TIMP2: variants seen among roughly 807,000 people sequenced by gnomAD.
TIMP2 encodes the protein metalloproteinase inhibitor 2.
TIMP2 carries 5 observed loss-of-function variants against 24.3 expected under a neutral mutation model. The observed-to-expected ratio is 0.21, with a 90% confidence interval of 0.11 to 0.43. The LOEUF is 0.43. TIMP2 is among the 20% of genes least tolerant of loss of function. The pLI, the probability that TIMP2 is intolerant of heterozygous loss-of-function variation, is 1.00. For missense variants in TIMP2, 221 were observed against 297.5 expected, an observed-to-expected ratio of 0.74 and a Z score of 1.89; for synonymous variants, 130 against 123.2, an observed-to-expected ratio of 1.06 and a Z score of -0.37.
chr17:78,901,132 CG>C (rs1318233139), intron 1 of TIMP2: 1 of 152,616 alleles, frequency 6.6e-6, no homozygotes, highest in African/African-American at 2.4e-5. Flanking sequence ...GTCTGGCTTC[CG>C]GGAGGGCTCA....
chr17:78,863,521 C>CT (rs1412893343), intron 3 of TIMP2, among the ~76,000 whole-genome samples: 10 of 152,184 alleles, frequency 6.6e-5, no homozygotes, highest in African/African-American at 2.4e-4. Flanking sequence ...GGATCACAGG[C>CT]GTCAGCCACT....
intron 1 of TIMP2, among the ~76,000 whole-genome samples, chr17:78,893,475 C>T (rs1302587535): frequency 1.7e-4 from 12 of 70,118 alleles, no homozygotes; most frequent in African/African-American, 4.7e-4. Context: ...GTGTGCATAG[C>T]GGTGTGTGTG....
intron 3 of TIMP2, among the ~76,000 whole-genome samples, chr17:78,865,274 T>C (rs1439096639): frequency 6.6e-6 from 1 of 151,780 alleles, no homozygotes; most frequent in Non-Finnish European, 1.5e-5. Context: ...GAGTTTCAGT[T>C]TGGGATGATG....
intron 4 of TIMP2, 163 bp downstream of exon 4, chr17:78,857,359 C>T: frequency 3.2e-6 from 3 of 931,418 alleles, no homozygotes; most frequent in African/African-American, 3.3e-5. Flanking sequence ...CTGTCCCCAG[C>T]CAGACAGCCT....
intron 1 of TIMP2, among the ~76,000 whole-genome samples, chr17:78,906,395 G>C (rs2070158951): frequency 6.6e-6 from 1 of 151,974 alleles, no homozygotes; most frequent in African/African-American, 2.4e-5. Context: ...AAAACTTGAA[G>C]AAATAAAAAT....
At chr17:78,918,094 ACACAC>A (rs1229041147) in intron 1 of TIMP2, among the ~76,000 whole-genome samples, 2 of 151,782 alleles carry the variant, frequency 1.3e-5, no homozygotes, top group African/African-American at 4.9e-5. Flanking sequence ...ACACACACAC[ACACAC>A]AACTTCACTT....
intron 1 of TIMP2, chr17:78,903,092 C>G (rs2070120712): frequency 6.6e-6 from 1 of 152,400 alleles, no homozygotes; most frequent in East Asian, 1.9e-4. Context: ...GGAACAGACA[C>G]AGAGAGCCTC....
intron 3 of TIMP2, 105 bp from the exon 4 acceptor site, chr17:78,857,751 C>A: frequency 6.9e-7 from 1 of 1,456,244 alleles, no homozygotes; most frequent in Non-Finnish European, 9.3e-7. Flanking sequence ...TGCAACAATC[C>A]TGTGCACTGT....
chr17:78,914,355 T>C (rs1181567470), intron 1 of TIMP2, among the ~76,000 whole-genome samples: 1 of 152,044 alleles, frequency 6.6e-6, no homozygotes, highest in African/African-American at 2.4e-5. Context: ...CGATCTCGGC[T>C]CACTGCAACC....
chr17:78,881,579 G>A (rs1451485769), intron 1 of TIMP2, among the ~76,000 whole-genome samples: 9 of 152,388 alleles, frequency 5.9e-5, no homozygotes, highest in Non-Finnish European at 1.2e-4. Flanking sequence ...AGCCGCAGAC[G>A]TCTTCTGAGC....
At chr17:78,922,540 G>C (rs150623842) in intron 1 of TIMP2, 2 of 152,272 alleles carry the variant, frequency 1.3e-5, no homozygotes, top group Non-Finnish European at 1.5e-5. Flanking sequence ...CAATTTGGCC[G>C]GGCGCGGTGG....
chr17:78,870,762 C>G (rs1042698118), intron 3 of TIMP2, 136 bp downstream of exon 3: 18 of 627,172 alleles, frequency 2.9e-5, no homozygotes, highest in Non-Finnish European at 4.9e-5. Context: ...GCCGAGAGGG[C>G]TCCGTACCCT....
In TIMP2 at chr17:78,855,637, C is replaced by T. The variant is rs1312121188; in HGVS notation, c.*30G>A. 6.2e-7 allele frequency: 1 copy of T among 1,607,920 alleles called. No homozygotes were observed. The highest frequency in any genetic ancestry group is 2.2e-5 in the East Asian group (1 of 44,812). ...TCGAAACCCTTGGAGGCTTTTTTTG[C>T]AGTTGGCCACAGGGGCGTTGGAGGC... On this transcript the variant is annotated 3_prime_UTR_variant, in exon 5 of 5. Coordinates refer to ENST00000262768, the MANE Select transcript of TIMP2 (RefSeq NM_003255.5). This position sits in a 1 kb window ranked among gnomAD's most constrained non-coding sequence, Gnocchi z 6.0.
chr17:78,919,766 C>T (rs1421543353), intron 1 of TIMP2, among the ~76,000 whole-genome samples: 2 of 151,996 alleles, frequency 1.3e-5, no homozygotes, highest in South Asian at 2.1e-4. Flanking sequence ...ACCCGGGAGG[C>T]GGAGCTTGCA....
chr17:78,891,509 C>A lies in TIMP2; in HGVS notation c.131-17590G>T. Reference sequence around the variant, plus strand: ...CTCTTTCTGCCACTTGTTCTTCTCCCGGAGCGTGCACTGAGATGCTGGGGA... The same window carrying A: ...CTCTTTCTGCCACTTGTTCTTCTCCAGGAGCGTGCACTGAGATGCTGGGGA... On this transcript the variant is annotated intron_variant, in intron 1 of 4. Transcript: ENST00000262768. The surrounding 1 kb of genome is among the most constrained non-coding windows in gnomAD (Gnocchi z 4.5). 6.4e-7 allele frequency: 1 copy of A among 1,551,138 alleles called. No homozygotes were observed. Among genetic ancestry groups the A allele is most frequent in the Non-Finnish European group, 8.7e-7 (1 of 1,147,126 alleles).
Position 78,857,734 on chromosome 17 carries a change from A to AT in TIMP2, c.341-89dup, listed in dbSNP as rs1197288077. On this transcript the variant is annotated intron_variant, in intron 3 of 4. Coordinates refer to ENST00000262768, the MANE Select transcript of TIMP2 (RefSeq NM_003255.5). ...CTCCACCCGGCGCAGGGGCGCTGGGATTTCGTTGCAACAATCCTGTGCACT... is the reference window on the plus strand; with the variant it reads ...CTCCACCCGGCGCAGGGGCGCTGGGATTTTCGTTGCAACAATCCTGTGCACT... 4.5e-6 allele frequency: 7 copies of AT among 1,547,712 alleles called. No homozygotes were observed. The East Asian group carries it at 1.4e-4, about 30-fold the overall frequency.
chr17:78,885,254 G>T (rs944741335), intron 1 of TIMP2, among the ~76,000 whole-genome samples: 1 of 152,234 alleles, frequency 6.6e-6, no homozygotes, highest in Admixed American at 6.5e-5. Context: ...GCAGAGTGAG[G>T]CGCGAACACG....
At chr17:78,922,703 C>T (rs1420928635) in intron 1 of TIMP2, among the ~76,000 whole-genome samples, 1 of 152,116 alleles carries the variant, frequency 6.6e-6, no homozygotes, top group Non-Finnish European at 1.5e-5. Context: ...CCTGTAACCC[C>T]AGCTACTTGG....
In TIMP2 at chr17:78,884,129, G is replaced by T. The variant is rs1243677188; in HGVS notation, c.131-10210C>A. ...GGAGCAGGGACAGGAGCAGGACCGT[G>T]CAGGGCAGGAGGCAGAGGGAGCCTG... On this transcript the variant is annotated intron_variant, in intron 1 of 4. Transcript: ENST00000262768. 2.0e-5 allele frequency among the ~76,000 whole-genome samples: 3 copies of T among 152,206 alleles called. 1 individual carries two copies. Among genetic ancestry groups the T allele is most frequent in the African/African-American group, 7.2e-5 (3 of 41,450 alleles).
Sources: gnomAD v4.1 joint callset for allele counts (sites outside exome capture counted in the v4.1 genomes callset) on GRCh38, gnomAD v4.1.1 for gene constraint, Gnocchi (gnomAD v3.1) non-coding constraint, MANE v1.5 for transcripts, NCBI Gene and HGNC (gene_info 2026-07-23, HGNC 2026-07-21) for gene names.